PPP4R1: variants seen among roughly 807,000 people sequenced by gnomAD.
The protein encoded by PPP4R1 is protein phosphatase 4 regulatory subunit 1.
A neutral mutation model predicts 111.2 loss-of-function variants in PPP4R1; 42 were observed. The observed-to-expected ratio is 0.38, with a 90% CI of 0.29 to 0.49. The LOEUF (loss-of-function observed/expected upper bound fraction) is 0.49. Among genes scored for constraint, PPP4R1 ranks in the 20% least tolerant of loss-of-function variants. The pLI is 0.97. For synonymous variants in PPP4R1, 409 were observed against 405.5 expected, an observed-to-expected ratio of 1.01 and a Z score of -0.10; for missense variants, 1,012 against 1,161.6, an observed-to-expected ratio of 0.87 and a Z score of 1.87.
At chr18:9,551,726 T>C (rs1004340500) in intron 16 of PPP4R1, 57 of 152,250 alleles carry the variant, frequency 3.7e-4, no homozygotes, top group African/African-American at 1.4e-3. Flanking sequence ...AGAGGAGAAC[T>C]AATGCTCCTT....
intron 11 of PPP4R1, among the ~76,000 whole-genome samples, chr18:9,564,218 A>G (rs2066723970): frequency 6.6e-6 from 1 of 152,224 alleles, no homozygotes; most frequent in Admixed American, 6.5e-5. Context: ...CAAAATTAAG[A>G]TAAGGCATTC....
intron 11 of PPP4R1, among the ~76,000 whole-genome samples, chr18:9,565,743 G>A (rs1025812157): frequency 6.6e-6 from 1 of 152,210 alleles, no homozygotes; most frequent in Non-Finnish European, 1.5e-5. Context: ...AATCTGAGAA[G>A]AAAAGCTGAA....
At chr18:9,602,561 A>AAAG (rs1292372975) in intron 2 of PPP4R1, among the ~76,000 whole-genome samples, 6 of 146,496 alleles carry the variant, frequency 4.1e-5, no homozygotes, top group African/African-American at 1.5e-4. Context: ...AAAAAAAAAA[A>AAAG]CTTGCACCTT....
chr18:9,594,789 G>A, intron 3 of PPP4R1: 2 of 418,968 alleles, frequency 4.8e-6, no homozygotes, highest in Non-Finnish European at 8.1e-6. Context: ...AAAAGCAATG[G>A]TAATTAATGG....
intron 12 of PPP4R1, 83 bp from the exon 13 acceptor site, chr18:9,562,158 C>A (rs542567363): frequency 9.8e-7 from 1 of 1,015,362 alleles, no homozygotes. Flanking sequence ...ACTTACCTTT[C>A]AAGACTGCCA....
chr18:9,601,770 G>A (rs545969600), intron 2 of PPP4R1, among the ~76,000 whole-genome samples: 13 of 152,178 alleles, frequency 8.5e-5, no homozygotes, highest in South Asian at 2.1e-4. Context: ...TGGGATTACC[G>A]GCGTGAGCCA....
At chr18:9,582,517 G>C (rs932008140) in intron 9 of PPP4R1, among the ~76,000 whole-genome samples, 1 of 152,236 alleles carries the variant, frequency 6.6e-6, no homozygotes, top group East Asian at 1.9e-4. Context: ...CAAGTGAAGA[G>C]ACAGAATTAG....
In PPP4R1 at chr18:9,570,667, C is replaced by A; in HGVS notation, c.1063G>T (p.Ala355Ser). The change falls in exon 11 of 20, where the codon GCC (alanine) becomes TCC (serine). Residue 355 changes from alanine (A) to serine (S), a missense_variant. Ala to Ser is a moderately conservative substitution (Grantham distance 99). Around this residue, in one of 2 missense-constraint regions of PPP4R1, gnomAD observed 707 missense variants for 742.1 expected, o/e 0.95. Transcript: ENST00000400556. ...GGCCTGACTTGTACATCCTCTGGGG[C>A]TTCTTGATCTCTGGTCCTTTTATTG... Reference protein sequence around the residue: ...ENKNRTRDQEAPEDVQVRPED... With the variant: ...ENKNRTRDQESPEDVQVRPED... 6.4e-7 allele frequency: 1 copy of A among 1,555,562 alleles called. No individual in the cohort carries two copies. Among genetic ancestry groups the A allele is most frequent in the Non-Finnish European group, 8.7e-7 (1 of 1,152,676 alleles).
chr18:9,579,482 C>T (rs1403774603), intron 9 of PPP4R1, among the ~76,000 whole-genome samples: 1 of 150,924 alleles, frequency 6.6e-6, no homozygotes, highest in Non-Finnish European at 1.5e-5. Flanking sequence ...ACTATCTTGT[C>T]TTTTTTTTGC....
chr18:9,560,381 AAAG>A (rs1328955210), intron 13 of PPP4R1, among the ~76,000 whole-genome samples: 5 of 151,116 alleles, frequency 3.3e-5, no homozygotes, highest in Non-Finnish European at 5.9e-5. Context: ...TATGTGAGGA[AAAG>A]AAGAACATAT....
At chr18:9,581,568 C>A (rs1171081175) in intron 9 of PPP4R1, among the ~76,000 whole-genome samples, 1 of 151,824 alleles carries the variant, frequency 6.6e-6, no homozygotes, top group Non-Finnish European at 1.5e-5. Context: ...TGAAAAGGGC[C>A]TCAAAGAAAT....
chr18:9,577,227 T>C (rs996753945), intron 9 of PPP4R1, 36 bp from the exon 10 acceptor site: 19 of 1,572,684 alleles, frequency 1.2e-5, no homozygotes, highest in Non-Finnish European at 1.6e-5. Flanking sequence ...AAAGGAATCA[T>C]TTTGAAAAAG....
At position 9,558,185 on chromosome 18, in the gene PPP4R1, C is replaced by T. The variant is rs180936896; in HGVS notation, c.2029-803G>A. On this transcript the variant is annotated intron_variant, in intron 14 of 19. Transcript: ENST00000400556. ...TAGAGCAAACACTGTATTTCCTTTC[C>T]CTTCCCCCCAGAATCCACTCTTGAA... 3.8e-4 allele frequency among the ~76,000 whole-genome samples: 58 copies of T among 152,188 alleles called. 1 individual carries two copies. The highest frequency in any genetic ancestry group is 1.3e-3 in the African/African-American group (55 of 41,496).
chr18:9,586,927 A>G (rs780342244), intron 6 of PPP4R1, among the ~76,000 whole-genome samples: 3 of 152,194 alleles, frequency 2.0e-5, no homozygotes, highest in Non-Finnish European at 4.4e-5. Context: ...CATGTCAAAA[A>G]AAAACCCAGA....
At chr18:9,606,177 C>T (rs7240960) in intron 2 of PPP4R1, among the ~76,000 whole-genome samples, 55,570 of 152,048 alleles carry the variant, frequency 0.37, 11,221 homozygotes, top group East Asian at 0.54. Flanking sequence ...ACATTAAGCA[C>T]TGATGAGATG....
rs1300215234 is a variant in PPP4R1, at chr18:9,570,693, T to C, written c.1047-10A>G. ...TTCTTGATCTCTGGTCCTTTTATTGTTTTATTTGGTGGGAAAAAAACAATA... is the reference window on the plus strand; with the variant it reads ...TTCTTGATCTCTGGTCCTTTTATTGCTTTATTTGGTGGGAAAAAAACAATA... On this transcript the variant is annotated splice_polypyrimidine_tract_variant and intron_variant, in intron 10 of 19. Transcript: ENST00000400556. The C allele has an allele frequency of 1.3e-5, 19 of 1,516,750 alleles. No homozygotes were observed. In the Admixed American group the frequency reaches 3.0e-4, roughly 24 times the overall value. 94.0% of individuals were successfully genotyped at this position (1,516,750 alleles called of 1,614,324 possible). A position where few individuals can be genotyped will look rare whatever the true frequency, so the allele number is the denominator to read the frequency against.
intron 4 of PPP4R1, among the ~76,000 whole-genome samples, chr18:9,593,403 C>T (rs188370484): frequency 1.4e-3 from 206 of 151,938 alleles, no homozygotes; most frequent in African/African-American, 4.8e-3. Flanking sequence ...AGAAACCACA[C>T]AGAAAGCAAG....
rs200149329 is a variant in PPP4R1 at position 9,570,561 on chromosome 18, G to A, written c.1169C>T (p.Ala390Val). 226 of 1,614,070 alleles carry A rather than the reference G, an allele frequency of 1.4e-4. No individual in the cohort carries two copies. Among genetic ancestry groups the A allele is most frequent in the Non-Finnish European group, 1.8e-4 (214 of 1,180,046 alleles). ...ENTMEDHAAEASGKPLGEISV... is the reference protein window; with the variant it reads ...ENTMEDHAAEVSGKPLGEISV... ...AATTTCACCTAGAGGCTTCCCGGAT[G>A]CCTCAGCAGCATGGTCTTCCATCGT... The change falls in exon 11 of 20, where the codon GCA becomes GTA. Residue 390 changes from alanine (A) to valine (V), a missense_variant. Coordinates refer to ENST00000400556, the MANE Select transcript of PPP4R1 (RefSeq NM_001042388.3).
chr18:9,612,236 G>C (rs898292972), intron 2 of PPP4R1, among the ~76,000 whole-genome samples: 3 of 152,274 alleles, frequency 2.0e-5, no homozygotes, highest in Admixed American at 1.3e-4. Flanking sequence ...CTATGAAGTA[G>C]GTAATATTTC....
Sources: gnomAD v4.1 joint callset for allele counts (sites outside exome capture counted in the v4.1 genomes callset) on GRCh38, gnomAD v4.1.1 for gene constraint, gnomAD v4.1.1 regional missense constraint, MANE v1.5 for transcripts, NCBI Gene and HGNC (gene_info 2026-07-23, HGNC 2026-07-21) for gene names.